RGS8: variants seen among roughly 807,000 people sequenced by gnomAD.
The protein encoded by RGS8 is regulator of G protein signaling 8.
RGS8 carries 8 observed loss-of-function variants against 21.7 expected under a neutral mutation model. The observed-to-expected ratio is 0.37, with a 90% CI of 0.22 to 0.66. RGS8 has a LOEUF of 0.66. RGS8 is among the 30% of genes least tolerant of loss of function. The pLI, the probability that RGS8 is intolerant of heterozygous loss-of-function variation, is 0.59. For missense variants in RGS8, 157 were observed against 217.9 expected (o/e 0.72, Z 1.76); for synonymous variants, 80 against 83.6 (o/e 0.96, Z 0.24).
chr1:182,704,826 G>T, the RGS8 span, among the ~76,000 whole-genome samples: 1 of 152,164 alleles, frequency 6.6e-6, no homozygotes, highest in Non-Finnish European at 1.5e-5. Context: ...GACACCTCCA[G>T]CCAGGCTTAC....
At chr1:182,739,612 A>T in the RGS8 span, among the ~76,000 whole-genome samples, 1 of 152,106 alleles carries the variant, frequency 6.6e-6, no homozygotes, top group Non-Finnish European at 1.5e-5. Context: ...TGTTATCTTC[A>T]TGTTTTCAGG....
the RGS8 span, among the ~76,000 whole-genome samples, chr1:182,701,225 A>G: frequency 5.3e-5 from 8 of 152,250 alleles, no homozygotes; most frequent in Non-Finnish European, 2.9e-5. Context: ...TTGTGACATC[A>G]TAAATCAGCA....
At chr1:182,712,941 G>C in the RGS8 span, 1 of 152,082 alleles carries the variant, frequency 6.6e-6, no homozygotes, top group African/African-American at 2.4e-5. Context: ...TGAAACTAAA[G>C]TATTTCACCT....
At position 182,669,743 on chromosome 1, in the gene RGS8, G is replaced by A. The variant is rs993776748; in HGVS notation, c.-94C>T. 1.0e-5 allele frequency: 16 copies of A among 1,596,546 alleles called. No individual in the cohort carries two copies. Among genetic ancestry groups the A allele is most frequent in the East Asian group, 2.2e-5 (1 of 44,526 alleles). Reference sequence around the variant, plus strand: ...GGGGCTCAGGAATTTACCCTTGCACGTCCTCTCACCTAAAATCAAAGAATC... The same window carrying A: ...GGGGCTCAGGAATTTACCCTTGCACATCCTCTCACCTAAAATCAAAGAATC... On this transcript the variant is annotated 5_prime_UTR_variant, in exon 3 of 7. The change creates a new upstream start codon in the 5' untranslated region. Transcript: ENST00000483095.
the RGS8 span, among the ~76,000 whole-genome samples, chr1:182,715,707 T>C: frequency 0.72 from 108,756 of 152,090 alleles, 40,410 homozygotes; most frequent in African/African-American, 0.93. Context: ...TCATGACCCA[T>C]CTGCCAGCAA....
At chr1:182,731,759 T>C in the RGS8 span, among the ~76,000 whole-genome samples, 3 of 152,250 alleles carry the variant, frequency 2.0e-5, no homozygotes, top group Non-Finnish European at 4.4e-5. Flanking sequence ...TACTTGAGAA[T>C]GTGCTTGGAC....
At chr1:182,744,875 C>T in the RGS8 span, among the ~76,000 whole-genome samples, 4 of 152,156 alleles carry the variant, frequency 2.6e-5, no homozygotes, top group Non-Finnish European at 5.9e-5. Context: ...GAAAGAAACC[C>T]ATACCTGTGA....
the RGS8 span, among the ~76,000 whole-genome samples, chr1:182,706,838 G>A: frequency 6.6e-6 from 1 of 152,126 alleles, no homozygotes; most frequent in Non-Finnish European, 1.5e-5. Context: ...CCCCTGAAGT[G>A]GTAACACTTT....
At chr1:182,666,808 T>C (rs1219043876) in intron 4 of RGS8, 64 bp downstream of exon 5, 2 of 1,249,390 alleles carry the variant, frequency 1.6e-6, no homozygotes, top group Middle Eastern at 1.8e-4. Flanking sequence ...AGCATCTCAC[T>C]AAAGAAGTGA....
exon 6 of RGS8, chr1:182,648,254 C>T: frequency 6.2e-7 from 1 of 1,613,758 alleles, no homozygotes; most frequent in Non-Finnish European, 8.5e-7. Context: ...ATTCCAGGTT[C>T]TCCTCACTGA....
chr1:182,729,127 C>G, the RGS8 span, among the ~76,000 whole-genome samples: 1 of 152,174 alleles, frequency 6.6e-6, no homozygotes, highest in African/African-American at 2.4e-5. Flanking sequence ...CATGAATTAG[C>G]TGGATTAAAA....
chr1:182,657,330 A>G (rs183396718), intron 5 of RGS8, among the ~76,000 whole-genome samples: 13 of 151,436 alleles, frequency 8.6e-5, no homozygotes, highest in African/African-American at 3.2e-4. Flanking sequence ...CTCTTCCTCT[A>G]TCTTTCCCCT....
the RGS8 span, among the ~76,000 whole-genome samples, chr1:182,741,791 C>G: frequency 6.1e-4 from 63 of 103,190 alleles, no homozygotes; most frequent in African/African-American, 2.1e-3. Flanking sequence ...GGCGGCTGGC[C>G]GCGCAGAGGG....
chr1:182,679,703 T>TA (rs1664479640), intron 1 of RGS8, among the ~76,000 whole-genome samples: 1 of 152,118 alleles, frequency 6.6e-6, no homozygotes, highest in African/African-American at 2.4e-5. Context: ...TTGCTGAACA[T>TA]ACCCCTCAGA....
At chr1:182,696,951 G>A in the RGS8 span, among the ~76,000 whole-genome samples, 1 of 152,190 alleles carries the variant, frequency 6.6e-6, no homozygotes, top group Non-Finnish European at 1.5e-5. Context: ...TGCTAGGGGT[G>A]GCTGGGCCAC....
At chr1:182,719,731 T>G in the RGS8 span, among the ~76,000 whole-genome samples, 1 of 151,872 alleles carries the variant, frequency 6.6e-6, no homozygotes, top group African/African-American at 2.4e-5. Flanking sequence ...ACCCGACTAT[T>G]TTTCATTTAC....
chr1:182,657,603 C>A (rs4652741), intron 5 of RGS8, among the ~76,000 whole-genome samples: 104,233 of 151,642 alleles, frequency 0.69, 36,340 homozygotes, highest in Non-Finnish European at 0.75. Context: ...TCTCTGACCC[C>A]TGAAGCTGTT....
upstream of RGS8, among the ~76,000 whole-genome samples, chr1:182,687,276 C>A (rs956171164): frequency 2.0e-5 from 3 of 152,148 alleles, no homozygotes; most frequent in African/African-American, 7.2e-5. Context: ...CCTGGCCCCT[C>A]AAGGGATCCT....
chr1:182,661,772 G>C (rs762439754), intron 5 of RGS8, among the ~76,000 whole-genome samples: 19 of 151,852 alleles, frequency 1.3e-4, no homozygotes, highest in Non-Finnish European at 2.1e-4. Context: ...TTGGGTATGA[G>C]CTGCAGAGCA....
Sources: gnomAD v4.1 joint callset for allele counts (sites outside exome capture counted in the v4.1 genomes callset) on GRCh38, gnomAD v4.1.1 for gene constraint, MANE v1.5 for transcripts, NCBI Gene and HGNC (gene_info 2026-07-23, HGNC 2026-07-21) for gene names.